Variants in RBMS3 observed in about 807,000 individuals in gnomAD.
The protein encoded by RBMS3 is RNA-binding motif, single-stranded-interacting protein 3.
In RBMS3, 27 loss-of-function variants were observed where a neutral mutation model predicts 66.8. The observed-to-expected ratio is 0.40, with a 90% confidence interval of 0.30 to 0.56. The LOEUF (loss-of-function observed/expected upper bound fraction) is 0.56, where lower values mean the gene tolerates loss of function less well. RBMS3 is among the 20% of genes least tolerant of loss of function. The pLI is 0.40. For synonymous variants in RBMS3, 188 were observed against 183.0 expected, an observed-to-expected ratio of 1.03 and a Z score of -0.22; for missense variants, 513 against 549.5, an observed-to-expected ratio of 0.93 and a Z score of 0.66.
chr3:29,298,336 C>T (rs758770998), intron 1 of RBMS3, among the ~76,000 whole-genome samples: 4 of 151,886 alleles, frequency 2.6e-5, no homozygotes, highest in Non-Finnish European at 1.5e-5. Context: ...CATCTTTCTT[C>T]TGCCCTCAGA....
intron 4 of RBMS3, among the ~76,000 whole-genome samples, chr3:29,713,885 T>A (rs530539795): frequency 6.6e-6 from 1 of 152,160 alleles, no homozygotes; most frequent in South Asian, 2.1e-4. Context: ...TGAAACCCCA[T>A]CTCTACAAGA....
At chr3:29,453,437 C>T (rs944129874) in intron 2 of RBMS3, among the ~76,000 whole-genome samples, 5 of 152,128 alleles carry the variant, frequency 3.3e-5, no homozygotes, top group East Asian at 1.9e-4. Context: ...TACTATTTGG[C>T]GACAAGCAGC....
chr3:29,750,019 C>T (rs1292047503), intron 5 of RBMS3, among the ~76,000 whole-genome samples: 1 of 152,086 alleles, frequency 6.6e-6, no homozygotes, highest in Admixed American at 6.5e-5. Flanking sequence ...TTGCTATAAG[C>T]TATGAATAGC....
chr3:30,003,781 A>G, intron 14 of RBMS3, 75 bp from the exon 15 acceptor site: 1 of 1,101,656 alleles, frequency 9.1e-7, no homozygotes, highest in Non-Finnish European at 1.2e-6. Context: ...AAGCTGCCTC[A>G]TTGGAAAAGG....
At chr3:29,819,230 A>G (rs1180459708) in intron 6 of RBMS3, among the ~76,000 whole-genome samples, 1 of 152,240 alleles carries the variant, frequency 6.6e-6, no homozygotes, top group Non-Finnish European at 1.5e-5. Flanking sequence ...CGTGTATTAC[A>G]GAAGTCTGCA....
intron 6 of RBMS3, among the ~76,000 whole-genome samples, chr3:29,838,897 A>G (rs967334817): frequency 1.3e-5 from 2 of 152,190 alleles, no homozygotes; most frequent in Non-Finnish European, 2.9e-5. Flanking sequence ...TAGCTCTCAC[A>G]ATATAGATAT....
At chr3:29,842,436 C>T (rs1050243557) in intron 6 of RBMS3, among the ~76,000 whole-genome samples, 8 of 152,090 alleles carry the variant, frequency 5.3e-5, no homozygotes, top group African/African-American at 1.9e-4. Context: ...AGTGTTTCTA[C>T]CGCACACAAG....
chr3:29,958,908 T>C (rs980194880), intron 12 of RBMS3, among the ~76,000 whole-genome samples: 2 of 152,164 alleles, frequency 1.3e-5, no homozygotes, highest in Admixed American at 1.3e-4. Flanking sequence ...TCTTGTTAAA[T>C]AAAGCATGAA....
intron 6 of RBMS3, among the ~76,000 whole-genome samples, chr3:29,833,443 A>G (rs957451171): frequency 1.3e-5 from 2 of 152,176 alleles, no homozygotes; most frequent in African/African-American, 4.8e-5. Context: ...AAATGATATC[A>G]GAAAAAAATA....
intron 5 of RBMS3, among the ~76,000 whole-genome samples, chr3:29,750,308 TATAA>T (rs1023054825): frequency 2.0e-5 from 3 of 152,198 alleles, no homozygotes; most frequent in African/African-American, 7.2e-5. Flanking sequence ...TATAGCTGAT[TATAA>T]ATAACGTTTT....
chr3:29,510,233 A>AGTGC (rs2044344118), intron 3 of RBMS3, among the ~76,000 whole-genome samples: 1 of 152,190 alleles, frequency 6.6e-6, no homozygotes, highest in African/African-American at 2.4e-5. Context: ...GAGCACTGAT[A>AGTGC]TCATAGATCA....
chr3:29,396,839 A>G (rs1462166739), intron 1 of RBMS3, among the ~76,000 whole-genome samples: 1 of 152,186 alleles, frequency 6.6e-6, no homozygotes, highest in East Asian at 1.9e-4. Context: ...GACTCATCTG[A>G]AAGAGTTTAT....
At chr3:30,001,266 A>G (rs983808445) in intron 14 of RBMS3, among the ~76,000 whole-genome samples, 22 of 152,084 alleles carry the variant, frequency 1.4e-4, no homozygotes, top group African/African-American at 5.1e-4. Flanking sequence ...CACTTTTTAC[A>G]TAGCATTACA....
At chr3:29,463,397 G>A (rs1180390823) in intron 2 of RBMS3, among the ~76,000 whole-genome samples, 1 of 152,128 alleles carries the variant, frequency 6.6e-6, no homozygotes, top group South Asian at 2.1e-4. Flanking sequence ...AGAAGGTTGA[G>A]GTAAATATGT....
At chr3:29,412,598 C>T (rs555136789) in intron 1 of RBMS3, among the ~76,000 whole-genome samples, 2 of 152,266 alleles carry the variant, frequency 1.3e-5, no homozygotes, top group East Asian at 3.9e-4. Context: ...TGGTAAAATT[C>T]ACCTTCCAGC....
chr3:29,735,474 G>A (rs1390588109), intron 4 of RBMS3, among the ~76,000 whole-genome samples: 1 of 152,102 alleles, frequency 6.6e-6, no homozygotes, highest in East Asian at 1.9e-4. Context: ...CAAAATGGGG[G>A]AGTTACTTAT....
At chr3:29,640,984 T>C (rs1211980903) in intron 4 of RBMS3, 3 of 151,980 alleles carry the variant, frequency 2.0e-5, no homozygotes, top group African/African-American at 7.2e-5. Context: ...AAACTTAGCA[T>C]AGTCCTTGGC....
At chr3:29,781,126 A>G (rs1576785906) in intron 6 of RBMS3, among the ~76,000 whole-genome samples, 5 of 120,584 alleles carry the variant, frequency 4.1e-5, no homozygotes, top group African/African-American at 6.2e-5. Flanking sequence ...TCCCCCGAGA[A>G]TAGTTCTTAA....
At chr3:29,457,278 A>T (rs2042222987) in intron 2 of RBMS3, among the ~76,000 whole-genome samples, 1 of 152,060 alleles carries the variant, frequency 6.6e-6, no homozygotes, top group Non-Finnish European at 1.5e-5. Flanking sequence ...ACCTCCACCT[A>T]GGTCTCTGCA....
Sources: allele counts gnomAD v4.1 joint callset (sites outside exome capture counted in the v4.1 genomes callset), GRCh38; gene constraint gnomAD v4.1.1; transcripts MANE v1.5; gene names NCBI Gene and HGNC (gene_info 2026-07-23, HGNC 2026-07-21).